The following POLR1B variants were observed in gnomAD, a reference collection of about 807,000 sequenced individuals.
POLR1B encodes RNA polymerase I subunit B, also known as DNA-directed RNA polymerase I subunit RPA2.
POLR1B carries 30 observed loss-of-function variants against 105.8 expected under a neutral mutation model. That is an observed-to-expected ratio of 0.28 (90% CI 0.21 to 0.38). The LOEUF (loss-of-function observed/expected upper bound fraction) is 0.38. Among genes scored for constraint, POLR1B ranks in the 10% least tolerant of loss-of-function variants. The probability of loss-of-function intolerance (pLI) is 1.00; values close to 1 mark genes in which losing one functional copy is unlikely to be tolerated. For missense variants in POLR1B, 976 were observed against 1,435.8 expected (o/e 0.68, Z 5.17); for synonymous variants, 485 against 505.1 (o/e 0.96, Z 0.53).
chr2:112,568,654 T>C (rs1684428849), intron 11 of POLR1B, 92 bp from the exon 12 acceptor site: 4 of 1,428,006 alleles, frequency 2.8e-6, no homozygotes, highest in South Asian at 1.3e-5. Flanking sequence ...TGGTTTTCTC[T>C]TGAGTCTTTG....
At chr2:112,545,203 AAATATT>A (rs1682972270) in intron 1 of POLR1B, among the ~76,000 whole-genome samples, 1 of 152,216 alleles carries the variant, frequency 6.6e-6, no homozygotes, top group Non-Finnish European at 1.5e-5. Flanking sequence ...CTTTAGGGGA[AAATATT>A]AATACATGCA....
Position 112,573,620 on chromosome 2 carries a change from A to C in POLR1B, c.2330A>C (p.Glu777Ala), listed in dbSNP as rs1375875935. 22 of 1,614,178 alleles carry C rather than the reference A, an allele frequency of 1.4e-5. No homozygotes were observed. The highest frequency in any genetic ancestry group is 1.8e-5 in the Non-Finnish European group (21 of 1,180,000). The change falls in exon 14 of 15, where the codon GAG (glutamate) becomes GCG (alanine). Residue 777 changes from glutamate (E) to alanine (A), a missense_variant. Glu to Ala is a moderately radical substitution (Grantham distance 107). Transcript: ENST00000263331. ...GCCCATGGAAGTGTCTACAAGTCTG[A>C]GTTCATAGACCTCTCTGAAAAAATT... Reference protein sequence around the residue: ...GFAHGSVYKSEFIDLSEKIKQ... With the variant: ...GFAHGSVYKSAFIDLSEKIKQ...
intron 7 of POLR1B, among the ~76,000 whole-genome samples, chr2:112,555,681 C>T (rs1414070600): frequency 6.6e-6 from 1 of 152,164 alleles, no homozygotes; most frequent in Non-Finnish European, 1.5e-5. Context: ...TCTTCTGTAG[C>T]AAGGCGTTAC....
intron 9 of POLR1B, among the ~76,000 whole-genome samples, chr2:112,561,025 A>T (rs35694666): frequency 1.3e-5 from 2 of 151,700 alleles, no homozygotes; most frequent in Admixed American, 1.3e-4. Context: ...AGATTGCACC[A>T]CTGCACTCCA....
In POLR1B at chr2:112,564,394, C is replaced by T. The variant is rs143567103; in HGVS notation, c.1641C>T (p.His547=). The change falls in exon 10 of 15, where the codon CAC becomes CAT. Residue 547 remains histidine (H), a synonymous_variant. Coordinates refer to ENST00000263331, the MANE Select transcript of POLR1B (RefSeq NM_019014.6). ...TCACTCCCATTGATGGAGCTCCCCA[C>T]CGATCATACAGTGAGTGCTACCCTG... ...LGVTPIDGAP[H]RSYSECYPVL... is the part of the protein sequence containing the mutation. The T allele has an allele frequency of 8.7e-5, 141 of 1,614,126 alleles. No individual in the cohort carries two copies. Among genetic ancestry groups the T allele is most frequent in the Non-Finnish European group, 1.2e-4 (138 of 1,180,038 alleles).
intron 4 of POLR1B, 112 bp downstream of exon 4, chr2:112,549,511 T>G (rs1683250616): frequency 1.1e-6 from 1 of 871,544 alleles, no homozygotes; most frequent in Non-Finnish European, 1.6e-6. Context: ...TTTTTTTTTT[T>G]TTTTTGGTAG....
rs554273855 is a variant in POLR1B, at chr2:112,578,586, C to T, written c.*2857C>T. Among the ~76,000 whole-genome samples the T allele has an allele frequency of 2.4e-4, 36 of 152,084 alleles. No homozygotes were observed. The highest frequency in any genetic ancestry group is 4.6e-4 in the Non-Finnish European group (31 of 68,016). Reference sequence around the variant, plus strand: ...TTATAGTTTAACCATTCACCTTGAACATTTTGGTTGTTTCCAGTTTGGGGG... The same window carrying T: ...TTATAGTTTAACCATTCACCTTGAATATTTTGGTTGTTTCCAGTTTGGGGG... On this transcript the variant is annotated 3_prime_UTR_variant, in exon 15 of 15. Transcript: ENST00000263331.
In POLR1B at chr2:112,552,739, T is replaced by A; in HGVS notation, c.1081T>A (p.Cys361Ser). The A allele has an allele frequency of 6.2e-7, 1 of 1,612,308 alleles. No homozygotes were observed. Among genetic ancestry groups the A allele is most frequent in the South Asian group, 1.1e-5 (1 of 90,670 alleles). ...GCTCTTTGCTTTAGCCAAAGGAGAG[T>A]GCATGGAGGACAATCCTGATAGTTT... is the stretch of plus-strand genomic sequence containing the variant. ...RKLFALAKGE[C>S]MEDNPDSLVN... The change falls in exon 7 of 15, where the codon TGC (cysteine) becomes AGC (serine). Residue 361 changes from cysteine to serine, a missense_variant. By Grantham distance (112) the Cys-to-Ser change is moderately radical (BLOSUM62 -1). Transcript: ENST00000263331.
At chr2:112,561,826 CTGTTTGTT>C (rs371455583) in intron 9 of POLR1B, among the ~76,000 whole-genome samples, 19 of 151,760 alleles carry the variant, frequency 1.3e-4, no homozygotes, top group African/African-American at 2.9e-4. Context: ...TTTGTTTTTT[CTGTTTGTT>C]TGTTTGTTTG....
At chr2:112,543,828 T>C (rs1682891657) in intron 1 of POLR1B, among the ~76,000 whole-genome samples, 1 of 152,142 alleles carries the variant, frequency 6.6e-6, no homozygotes, top group South Asian at 2.1e-4. Context: ...CTCACACCTG[T>C]AATCCAGGAC....
chr2:112,568,853 T>C lies in POLR1B; in HGVS notation c.2025T>C (p.Pro675=). The C allele has an allele frequency of 6.2e-7, 1 of 1,614,190 alleles. No homozygotes were observed. Residue 675 remains proline, a synonymous_variant, in exon 12 of 15, where the codon CCT becomes CCC. Transcript: ENST00000263331. ...TGAGTGTGATTGCCAACTTCATCCCTTTCTCTGATCACAACCAGAGTCCAC... is the reference window on the plus strand; with the variant it reads ...TGAGTGTGATTGCCAACTTCATCCCCTTCTCTGATCACAACCAGAGTCCAC... ...SLLSVIANFI[P]FSDHNQSPRN...
At chr2:112,563,216 G>A (rs1358336713) in intron 9 of POLR1B, among the ~76,000 whole-genome samples, 1 of 151,452 alleles carries the variant, frequency 6.6e-6, no homozygotes, top group South Asian at 2.1e-4. Flanking sequence ...CACCACGCCC[G>A]GCTAATTTTT....
chr2:112,564,397 A>G lies in POLR1B; in HGVS notation c.1644A>G (p.Arg548=). 1 of 1,614,192 alleles carries G rather than the reference A, an allele frequency of 6.2e-7. No homozygotes were observed. The highest frequency in any genetic ancestry group is 8.5e-7 in the Non-Finnish European group (1 of 1,180,032). ...CTCCCATTGATGGAGCTCCCCACCGATCATACAGTGAGTGCTACCCTGTCC... is the reference window on the plus strand; with the variant it reads ...CTCCCATTGATGGAGCTCCCCACCGGTCATACAGTGAGTGCTACCCTGTCC... ...GVTPIDGAPH[R]SYSECYPVLL... The change falls in exon 10 of 15, where the codon CGA becomes CGG. Residue 548 remains arginine (R), a synonymous_variant. Coordinates refer to ENST00000263331, the MANE Select transcript of POLR1B (RefSeq NM_019014.6).
In POLR1B at chr2:112,568,806, G is replaced by A; in HGVS notation, c.1978G>A (p.Glu660Lys). ...TTTTGCTGGAGTTACCACACACCAG[G>A]AACTCTTTCCACACAGCCTGCTGAG... is the stretch of plus-strand genomic sequence containing the variant. The part of the protein sequence containing the change: ...EVFAGVTTHQ[E>K]LFPHSLLSVI... The change falls in exon 12 of 15, where the codon GAA (glutamate) becomes AAA (lysine). Residue 660 changes from glutamate (E) to lysine (K), a missense_variant. Glu to Lys is a moderately conservative substitution (Grantham distance 56). This residue lies in a region of POLR1B where 184 missense variants were observed against 197.4 expected (regional missense o/e 0.93). Coordinates refer to ENST00000263331, the MANE Select transcript of POLR1B (RefSeq NM_019014.6). The A allele has an allele frequency of 6.2e-7, 1 of 1,614,100 alleles. No homozygotes were observed. Among genetic ancestry groups the A allele is most frequent in the Non-Finnish European group, 8.5e-7 (1 of 1,179,992 alleles).
chr2:112,574,829 T>C lies in POLR1B; in HGVS notation c.2526-18T>C, dbSNP rs2104582845. On this transcript the variant is annotated intron_variant, in intron 14 of 14. Transcript: ENST00000263331. Reference sequence around the variant, plus strand: ...TTAAAACAAATAGGTTGACCTTATATGGTTTACTTTTTCCTAGGAGTAAAG... The same window carrying C: ...TTAAAACAAATAGGTTGACCTTATACGGTTTACTTTTTCCTAGGAGTAAAG... The C allele has an allele frequency of 6.3e-7, 1 of 1,588,896 alleles. No individual in the cohort carries two copies. The highest frequency in any genetic ancestry group is 8.6e-7 in the Non-Finnish European group (1 of 1,162,480).
chr2:112,547,734 TAGAC>T (rs1429285492), intron 3 of POLR1B, among the ~76,000 whole-genome samples, 167 bp downstream of exon 3: 1 of 152,194 alleles, frequency 6.6e-6, no homozygotes, highest in Non-Finnish European at 1.5e-5. Context: ...ACTATCAAAT[TAGAC>T]AGTATGAAAA....
chr2:112,559,161 TAGG>T, intron 8 of POLR1B, 129 bp from the exon 9 acceptor site: 1 of 1,114,784 alleles, frequency 9.0e-7, no homozygotes, highest in Non-Finnish European at 1.3e-6. Flanking sequence ...TCATCAGAGC[TAGG>T]AGAATAAATG....
chr2:112,559,859 T>C (rs1156244819), intron 9 of POLR1B, among the ~76,000 whole-genome samples: 1 of 152,060 alleles, frequency 6.6e-6, no homozygotes, highest in Non-Finnish European at 1.5e-5. Flanking sequence ...CTCGATCTCC[T>C]GACCTCGTGA....
upstream of POLR1B, chr2:112,542,071 G>A (rs1682773103): frequency 2.0e-6 from 3 of 1,528,080 alleles, no homozygotes; most frequent in East Asian, 4.9e-5. Flanking sequence ...GTCGGCATCA[G>A]CGTGGGACTG....
Sources: gnomAD v4.1 joint callset for allele counts (sites outside exome capture counted in the v4.1 genomes callset) on GRCh38, gnomAD v4.1.1 for gene constraint, gnomAD v4.1.1 regional missense constraint, MANE v1.5 for transcripts, NCBI Gene and HGNC (gene_info 2026-07-23, HGNC 2026-07-21) for gene names.